LINGO2: variants seen among roughly 807,000 people sequenced by gnomAD.
LINGO2 encodes the protein leucine rich repeat and Ig domain containing 2.
Under a neutral mutation model 30.6 loss-of-function variants are expected in LINGO2, and 14 were observed. The observed-to-expected ratio is 0.46, with a 90% confidence interval of 0.30 to 0.72. The LOEUF (loss-of-function observed/expected upper bound fraction) is 0.72. Among genes scored for constraint, LINGO2 ranks in the 30% least tolerant of loss-of-function variants. The pLI is 0.07. For missense variants in LINGO2, 729 were observed against 751.7 expected, an observed-to-expected ratio of 0.97 and a Z score of 0.35; for synonymous variants, 317 against 288.5, an observed-to-expected ratio of 1.10 and a Z score of -1.00.
At chr9:28,858,383 C>T in the LINGO2 span, among the ~76,000 whole-genome samples, 48 of 152,094 alleles carry the variant, frequency 3.2e-4, no homozygotes, top group South Asian at 8.3e-3. Flanking sequence ...TATATGTGCT[C>T]CTGACCCCAA....
At chr9:28,504,378 G>C (rs1025798644) in intron 1 of LINGO2, among the ~76,000 whole-genome samples, 1 of 151,650 alleles carries the variant, frequency 6.6e-6, no homozygotes, top group African/African-American at 2.4e-5. Context: ...AATTCAACTT[G>C]TCATGGTATA....
At chr9:28,619,803 C>T (rs545508117) in intron 1 of LINGO2, among the ~76,000 whole-genome samples, 1 of 151,952 alleles carries the variant, frequency 6.6e-6, no homozygotes. Context: ...AAACACAAAG[C>T]CAAAATTAAT....
chr9:29,157,062 T>C, the LINGO2 span, among the ~76,000 whole-genome samples: 2 of 151,998 alleles, frequency 1.3e-5, no homozygotes, highest in Non-Finnish European at 2.9e-5. Flanking sequence ...CTAAATTGCA[T>C]ATAATCTCCA....
intron 1 of LINGO2, among the ~76,000 whole-genome samples, chr9:28,519,215 T>C (rs554935319): frequency 2.6e-5 from 4 of 152,068 alleles, no homozygotes; most frequent in East Asian, 1.9e-4. Context: ...ATTTTTTTTT[T>C]AGTAGAGATG....
At chr9:28,995,116 C>T in the LINGO2 span, among the ~76,000 whole-genome samples, 1 of 151,986 alleles carries the variant, frequency 6.6e-6, no homozygotes, top group Non-Finnish European at 1.5e-5. Flanking sequence ...TGGCAACCTA[C>T]TCATCTGACA....
chr9:28,688,873 T>A, the LINGO2 span, among the ~76,000 whole-genome samples: 4 of 152,100 alleles, frequency 2.6e-5, no homozygotes, highest in African/African-American at 4.8e-5. Context: ...TAATATGTCA[T>A]CTGTCTGTCT....
intron 2 of LINGO2, among the ~76,000 whole-genome samples, chr9:28,474,780 A>C (rs117823358): frequency 0.021 from 3,262 of 152,240 alleles, 105 homozygotes; most frequent in East Asian, 0.098. Context: ...GTCAGCTGTC[A>C]CCTGTCTGTA....
chr9:28,145,064 G>T (rs1244719200), intron 4 of LINGO2, among the ~76,000 whole-genome samples: 1 of 152,204 alleles, frequency 6.6e-6, no homozygotes, highest in South Asian at 2.1e-4. Context: ...CATCTAAGCA[G>T]AGCAAAATGT....
At chr9:29,133,345 G>T in the LINGO2 span, among the ~76,000 whole-genome samples, 2 of 152,108 alleles carry the variant, frequency 1.3e-5, no homozygotes, top group Middle Eastern at 3.4e-3. Context: ...TTTTTTACTG[G>T]TCCATATAAT....
At chr9:28,552,390 A>T (rs1014214557) in intron 1 of LINGO2, among the ~76,000 whole-genome samples, 2 of 152,132 alleles carry the variant, frequency 1.3e-5, no homozygotes, top group Admixed American at 6.6e-5. Flanking sequence ...ATACTTAGCC[A>T]TAGAACCCTA....
the LINGO2 span, among the ~76,000 whole-genome samples, chr9:29,096,161 G>T: frequency 1.4e-5 from 2 of 138,834 alleles, 1 homozygote; most frequent in East Asian, 5.0e-4. Context: ...AACAAAAAAA[G>T]GAATGATTTG....
intron 4 of LINGO2, among the ~76,000 whole-genome samples, chr9:28,294,709 C>T (rs958769045): frequency 1.3e-5 from 2 of 152,096 alleles, no homozygotes; most frequent in African/African-American, 4.8e-5. Flanking sequence ...TCTTAAATAA[C>T]AGGTGAATAG....
At chr9:28,005,863 A>G (rs933767536) in intron 5 of LINGO2, among the ~76,000 whole-genome samples, 1 of 152,060 alleles carries the variant, frequency 6.6e-6, no homozygotes, top group Non-Finnish European at 1.5e-5. Context: ...TGGCCTTATC[A>G]TTTTGAGATA....
At chr9:29,159,342 T>C in the LINGO2 span, among the ~76,000 whole-genome samples, 1 of 152,184 alleles carries the variant, frequency 6.6e-6, no homozygotes, top group South Asian at 2.1e-4. Flanking sequence ...AGGTAGATTA[T>C]TCCCACTCAT....
chr9:28,976,102 T>A, the LINGO2 span, among the ~76,000 whole-genome samples: 2 of 152,178 alleles, frequency 1.3e-5, no homozygotes. Flanking sequence ...GTGATCCTCC[T>A]TTGACAAGTC....
At chr9:28,766,801 A>G in the LINGO2 span, among the ~76,000 whole-genome samples, 1 of 122,506 alleles carries the variant, frequency 8.2e-6, no homozygotes, top group Non-Finnish European at 1.6e-5. Flanking sequence ...AGAGAGAGAG[A>G]GAGGGAAGGA....
At chr9:27,974,384 G>A (rs1012250920) in intron 5 of LINGO2, among the ~76,000 whole-genome samples, 1 of 152,026 alleles carries the variant, frequency 6.6e-6, no homozygotes, top group African/African-American at 2.4e-5. Context: ...AGCTTTTTAG[G>A]GGGCTTTTGA....
At chr9:28,936,247 TAGTC>T in the LINGO2 span, among the ~76,000 whole-genome samples, 3 of 152,136 alleles carry the variant, frequency 2.0e-5, no homozygotes, top group Non-Finnish European at 2.9e-5. Flanking sequence ...TTTAAATTAA[TAGTC>T]AGAACAAAAG....
intron 3 of LINGO2, among the ~76,000 whole-genome samples, chr9:28,344,591 T>A (rs1387958730): frequency 2.0e-5 from 3 of 152,204 alleles, no homozygotes; most frequent in Admixed American, 2.0e-4. Context: ...TTATTTTTAT[T>A]CTTTTCTGTT....
Sources: gnomAD v4.1 joint callset for allele counts (sites outside exome capture counted in the v4.1 genomes callset) on GRCh38, gnomAD v4.1.1 for gene constraint, MANE v1.5 for transcripts, NCBI Gene and HGNC (gene_info 2026-07-23, HGNC 2026-07-21) for gene names.